The following ENDOU variants were observed in gnomAD, a reference collection of about 807,000 sequenced individuals.
ENDOU encodes uridylate-specific endoribonuclease.
A neutral mutation model predicts 54.2 loss-of-function variants in ENDOU; 49 were observed. The observed-to-expected ratio is 0.90, with a 90% CI of 0.72 to 1.15. ENDOU has a LOEUF of 1.15. Among genes scored for constraint, ENDOU ranks in the 50% most tolerant of loss-of-function variants. The pLI, the probability that ENDOU is intolerant of heterozygous loss-of-function variation, is 0.00. For missense variants in ENDOU, 458 were observed against 511.4 expected (o/e 0.90, Z 1.01); for synonymous variants, 172 against 190.5 (o/e 0.90, Z 0.80).
At position 47,710,661 on chromosome 12, in the gene ENDOU, C is replaced by T. The variant is rs762021415; in HGVS notation, c.*141G>A. The T allele has an allele frequency of 1.2e-4, 82 of 670,984 alleles. 1 individual carries two copies. The highest frequency in any genetic ancestry group is 8.6e-4 in the Middle Eastern group (3 of 3,472). 41.6% of individuals were successfully genotyped at this position (670,984 alleles called of 1,614,324 possible). A position where few individuals can be genotyped will look rare whatever the true frequency, so the allele number is the denominator to read the frequency against. ...ACATTTTATCTCTTTCCCATGTGGG[C>T]ACTTTGGGATTTAGGAATGCTTCTC... On this transcript the variant is annotated 3_prime_UTR_variant, in exon 10 of 10. Transcript: ENST00000422538.
rs199563836 is a variant in ENDOU at position 47,711,774 on chromosome 12, C to T, written c.974G>A (p.Trp325Ter). 219 of 1,613,990 alleles carry T rather than the reference C, an allele frequency of 1.4e-4. No homozygotes were observed. Among genetic ancestry groups the T allele is most frequent in the Non-Finnish European group, 1.8e-4 (214 of 1,180,024 alleles). The change falls in exon 9 of 10, where the codon TGG becomes TAG. Residue 325 changes from tryptophan to a stop codon, truncating the protein, a stop_gained and splice_region_variant. Transcript: ENST00000422538. LOFTEE classifies it high-confidence loss of function. ...DYYSHIYDGP[W>*]DSYPDVLAMQ... Reference sequence around the variant, plus strand: ...TGCCAGCACATCGGGGTAAGAATCCCACTGTGGAGGGAAGGGCAGAAAAGG... The same window carrying T: ...TGCCAGCACATCGGGGTAAGAATCCTACTGTGGAGGGAAGGGCAGAAAAGG...
chr12:47,718,117 A>G lies in ENDOU; in HGVS notation c.244+12T>C. 6.4e-7 allele frequency: 1 copy of G among 1,560,102 alleles called. No homozygotes were observed. The highest frequency in any genetic ancestry group is 8.7e-7 in the Non-Finnish European group (1 of 1,150,146). Reference sequence around the variant, plus strand: ...TTATCTTGAGGGCCCCCCTTTGGGGAGGCAGGCTCACTGCTGGCGAGGGCC... The same window carrying G: ...TTATCTTGAGGGCCCCCCTTTGGGGGGGCAGGCTCACTGCTGGCGAGGGCC... On this transcript the variant is annotated intron_variant, in intron 3 of 9. Transcript: ENST00000422538.
chr12:47,711,286 A>C (rs1939990436), intron 9 of ENDOU, among the ~76,000 whole-genome samples: 1 of 152,172 alleles, frequency 6.6e-6, no homozygotes, highest in African/African-American at 2.4e-5. Context: ...GTGGTTCCTA[A>C]TGGTACTTTC....
intron 6 of ENDOU, among the ~76,000 whole-genome samples, chr12:47,713,740 C>CGGGG (rs58687571): frequency 1.9e-5 from 2 of 107,646 alleles, no homozygotes; most frequent in Admixed American, 9.9e-5. Context: ...CATAAGTTGG[C>CGGGG]GGGGGGGGGG....
intron 9 of ENDOU, 60 bp downstream of exon 9, chr12:47,711,573 A>C (rs1446369237): frequency 3.2e-6 from 5 of 1,574,814 alleles, no homozygotes; most frequent in African/African-American, 1.3e-5. Context: ...TGACTCTGTG[A>C]TGGCTGAGGA....
rs1356222949 is a variant in ENDOU at position 47,716,317 on chromosome 12, C to A, written c.734G>T (p.Ser245Ile). 2 of 1,614,112 alleles carry A rather than the reference C, an allele frequency of 1.2e-6. No individual in the cohort carries two copies. The highest frequency in any genetic ancestry group is 1.7e-6 in the Non-Finnish European group (2 of 1,180,026). ...TCACTCACTCTGGTGATGGAGGAAGCTGTAGAGCTCCTTCATGACTGCTGT... is the reference window on the plus strand; with the variant it reads ...TCACTCACTCTGGTGATGGAGGAAGATGTAGAGCTCCTTCATGACTGCTGT... ...MKTAVMKELY[S>I]FLHHQNRYGS... Residue 245 changes from serine to isoleucine, a missense_variant, in exon 6 of 10, where the codon AGC becomes ATC. Coordinates refer to ENST00000422538, the MANE Select transcript of ENDOU (RefSeq NM_001172439.2).
At chr12:47,718,251 G>T in intron 2 of ENDOU, 57 bp from the exon 3 acceptor site, 1 of 1,471,428 alleles carries the variant, frequency 6.8e-7, no homozygotes, top group South Asian at 1.2e-5. Flanking sequence ...CCTGCTGCTT[G>T]GTTTCTGGTT....
chr12:47,720,103 G>A (rs187467081), intron 2 of ENDOU: 1 of 152,432 alleles, frequency 6.6e-6, no homozygotes, highest in African/African-American at 2.4e-5. Flanking sequence ...TTGACATCAA[G>A]GCTTTGTGTC....
At chr12:47,717,110 G>A (rs753728056) in intron 4 of ENDOU, 52 bp from the exon 5 acceptor site, 19 of 1,557,130 alleles carry the variant, frequency 1.2e-5, no homozygotes, top group South Asian at 5.6e-5. Context: ...AAAGGGGGGC[G>A]GGCAGGAAAT....
At chr12:47,710,962 C>G (rs768127075) in intron 9 of ENDOU, 43 bp from the exon 10 acceptor site, 2 of 1,376,150 alleles carry the variant, frequency 1.5e-6, no homozygotes, top group South Asian at 2.4e-5. Flanking sequence ...CCCCACTTCA[C>G]GCTGCCTCTC....
chr12:47,717,315 C>G (rs987880321), intron 4 of ENDOU, among the ~76,000 whole-genome samples: 30 of 152,214 alleles, frequency 2.0e-4, no homozygotes, highest in Admixed American at 2.0e-3. Context: ...GCATCAGAAC[C>G]ACCTGGAGGC....
intron 1 of ENDOU, among the ~76,000 whole-genome samples, chr12:47,724,059 C>T (rs751220840): frequency 2.6e-5 from 4 of 152,196 alleles, no homozygotes; most frequent in Non-Finnish European, 4.4e-5. Flanking sequence ...TACTGCCCTC[C>T]GACCTAGCAG....
At chr12:47,717,853 C>A in intron 3 of ENDOU, 198 bp from the exon 4 acceptor site, 1 of 618,090 alleles carries the variant, frequency 1.6e-6, no homozygotes. Context: ...ACTTTCTGGC[C>A]TGCTGTTTTT....
At chr12:47,715,227 G>C (rs1940185278) in intron 6 of ENDOU, among the ~76,000 whole-genome samples, 1 of 152,210 alleles carries the variant, frequency 6.6e-6, no homozygotes, top group Non-Finnish European at 1.5e-5. Flanking sequence ...CTTCACAAAT[G>C]CGGTGGGATA....
At position 47,725,353 on chromosome 12, in the gene ENDOU, A is replaced by C. The variant is rs1490144810; in HGVS notation, c.55+6T>G. The C allele has an allele frequency of 6.2e-7, 1 of 1,614,120 alleles. No homozygotes were observed. Among genetic ancestry groups the C allele is most frequent in the Non-Finnish European group, 8.5e-7 (1 of 1,179,996 alleles). On this transcript the variant is annotated splice_donor_region_variant and intron_variant, in intron 1 of 9. Transcript: ENST00000422538. ...GCAATCCCATGCCCGCCAGATAGTG[A>C]CTTACCAGCCCAGGCCAGGCCACAC...
rs1939914754 is a variant in ENDOU at position 47,709,774 on chromosome 12, C to T, written c.*1028G>A. Reference sequence around the variant, plus strand: ...AATGACTTTAATTGGAAACTTGAACCTTCTAAACCATAGTTCACACCCGGC... The same window carrying T: ...AATGACTTTAATTGGAAACTTGAACTTTCTAAACCATAGTTCACACCCGGC... On this transcript the variant is annotated 3_prime_UTR_variant, in exon 10 of 10. Transcript: ENST00000422538. The T allele has an allele frequency of 6.6e-6, 1 of 152,162 alleles. No homozygotes were observed. The highest frequency in any genetic ancestry group is 2.1e-4 in the South Asian group (1 of 4,832). The allele number at this position is 152,162 out of a possible 1,614,324, so 9.4% of individuals were successfully genotyped here.
chr12:47,713,542 A>G (rs535295711), intron 6 of ENDOU, among the ~76,000 whole-genome samples, 154 bp from the exon 7 acceptor site: 5 of 152,152 alleles, frequency 3.3e-5, no homozygotes, highest in Non-Finnish European at 7.3e-5. Context: ...ATGATTATCT[A>G]TGGGATGCCT....
Position 47,715,945 on chromosome 12 carries a change from C to T in ENDOU, c.751+355G>A, listed in dbSNP as rs1409499065. On this transcript the variant is annotated intron_variant, in intron 6 of 9. Coordinates refer to ENST00000422538, the MANE Select transcript of ENDOU (RefSeq NM_001172439.2). The stretch of plus-strand genomic sequence containing the variant: ...TGAAACATGGTGCTGACTCCAGGAT[C>T]GCGGAGGTGGCTGAGACGTGCTCTG... 4.6e-5 allele frequency among the ~76,000 whole-genome samples: 7 copies of T among 152,078 alleles called. 1 individual carries two copies. The highest frequency in any genetic ancestry group is 1.3e-4 in the Admixed American group (2 of 15,278).
rs527274241 is a variant in ENDOU, at chr12:47,718,058, C to T, written c.244+71G>A. ...CTGGGCCTGGTGCCACTGCCATGGC[C>T]GCCCCTGCTTGTCACCCTCATGTCC... On this transcript the variant is annotated intron_variant, in intron 3 of 9. Transcript: ENST00000422538. 3.8e-5 allele frequency: 51 copies of T among 1,344,878 alleles called. No individual in the cohort carries two copies. The East Asian group carries it at 1.1e-3, about 28-fold the overall frequency. The allele number at this position is 1,344,878 out of a possible 1,614,324, so 83.3% of individuals were successfully genotyped here.
Sources: gnomAD v4.1 joint callset for allele counts (sites outside exome capture counted in the v4.1 genomes callset) on GRCh38, gnomAD v4.1.1 for gene constraint, MANE v1.5 for transcripts, NCBI Gene and HGNC (gene_info 2026-07-23, HGNC 2026-07-21) for gene names.